Variants in GRID2 observed in about 807,000 individuals in gnomAD.
The protein encoded by GRID2 is glutamate receptor ionotropic, delta-2.
Under a neutral mutation model 114.8 loss-of-function variants are expected in GRID2, and 33 were observed. The ratio of observed to expected loss-of-function variants is 0.29; its 90% CI spans 0.22 to 0.38. The LOEUF is 0.38. Ranked by LOEUF, GRID2 falls within the 10% of genes least tolerant of loss-of-function variation. The pLI is 1.00. For synonymous variants in GRID2, 505 were observed against 449.9 expected, an observed-to-expected ratio of 1.12 and a Z score of -1.55; for missense variants, 1,184 against 1,257.7, an observed-to-expected ratio of 0.94 and a Z score of 0.89.
chr4:93,608,218 T>A (rs1168486048), intron 13 of GRID2, among the ~76,000 whole-genome samples: 1 of 150,272 alleles, frequency 6.7e-6, no homozygotes, highest in Non-Finnish European at 1.5e-5. Context: ...GTATTACATA[T>A]GCTCCCCTGG....
At chr4:93,039,002 T>A (rs1002675940) in intron 2 of GRID2, among the ~76,000 whole-genome samples, 1 of 152,090 alleles carries the variant, frequency 6.6e-6, no homozygotes, top group African/African-American at 2.4e-5. Flanking sequence ...CATTCTATGA[T>A]AAAGACACAT....
chr4:93,601,583 T>A (rs1179576770), intron 13 of GRID2, among the ~76,000 whole-genome samples: 2 of 152,210 alleles, frequency 1.3e-5, no homozygotes, highest in African/African-American at 4.8e-5. Flanking sequence ...AGTAATTGAA[T>A]CTATGCAAGA....
At chr4:92,946,755 C>G (rs1751665415) in intron 2 of GRID2, among the ~76,000 whole-genome samples, 1 of 152,080 alleles carries the variant, frequency 6.6e-6, no homozygotes, top group South Asian at 2.1e-4. Flanking sequence ...CCAAATGCAG[C>G]ATCGTTCAAA....
At chr4:92,403,946 A>G (rs964399513) in intron 1 of GRID2, among the ~76,000 whole-genome samples, 2 of 152,138 alleles carry the variant, frequency 1.3e-5, no homozygotes, top group African/African-American at 2.4e-5. Flanking sequence ...GGCATAGTTC[A>G]TGGCTGACCA....
chr4:93,473,166 A>T (rs1240584469), intron 11 of GRID2, among the ~76,000 whole-genome samples: 3 of 152,142 alleles, frequency 2.0e-5, no homozygotes, highest in Non-Finnish European at 4.4e-5. Flanking sequence ...GTACATAAAT[A>T]TAACTTCTTT....
At chr4:92,756,484 T>C (rs565817758) in intron 2 of GRID2, among the ~76,000 whole-genome samples, 5 of 152,296 alleles carry the variant, frequency 3.3e-5, no homozygotes, top group Admixed American at 6.5e-5. Context: ...TTCAATCAAA[T>C]AGTAGTTCTA....
intron 2 of GRID2, among the ~76,000 whole-genome samples, chr4:92,930,983 A>G (rs1750188582): frequency 6.6e-6 from 1 of 150,970 alleles, no homozygotes; most frequent in Admixed American, 6.6e-5. Flanking sequence ...ACACTCAGAA[A>G]TTAAGGAAGG....
At chr4:93,743,164 GCCTAA>G (rs1383243043) in intron 14 of GRID2, among the ~76,000 whole-genome samples, 1 of 152,234 alleles carries the variant, frequency 6.6e-6, no homozygotes, top group Non-Finnish European at 1.5e-5. Flanking sequence ...TTAGGCCAAA[GCCTAA>G]CCCAGAGCAA....
At chr4:93,577,605 C>G (rs554069449) in intron 13 of GRID2, among the ~76,000 whole-genome samples, 1 of 152,140 alleles carries the variant, frequency 6.6e-6, no homozygotes, top group Non-Finnish European at 1.5e-5. Context: ...ATTCATGGAA[C>G]AAATGCTATG....
At chr4:92,402,291 T>G (rs970727615) in intron 1 of GRID2, among the ~76,000 whole-genome samples, 5 of 152,146 alleles carry the variant, frequency 3.3e-5, no homozygotes, top group African/African-American at 1.2e-4. Context: ...TCTGTGTACT[T>G]TGACCTCCTC....
At chr4:93,315,848 C>A (rs1328234348) in intron 8 of GRID2, among the ~76,000 whole-genome samples, 1 of 152,124 alleles carries the variant, frequency 6.6e-6, no homozygotes, top group Non-Finnish European at 1.5e-5. Flanking sequence ...TAGGTTCAGG[C>A]ACTGACACCA....
chr4:93,383,842 T>C (rs1043756880), intron 8 of GRID2, among the ~76,000 whole-genome samples: 2 of 152,162 alleles, frequency 1.3e-5, no homozygotes, highest in African/African-American at 4.8e-5. Context: ...AGAAAACCTG[T>C]GAGATCTCTT....
chr4:93,091,239 T>C (rs1437626261), intron 3 of GRID2, among the ~76,000 whole-genome samples: 1 of 152,086 alleles, frequency 6.6e-6, no homozygotes, highest in Non-Finnish European at 1.5e-5. Flanking sequence ...CCCGATGTAA[T>C]GAGTGAGAAT....
intron 4 of GRID2, among the ~76,000 whole-genome samples, chr4:93,179,390 A>G (rs750874018): frequency 6.6e-6 from 1 of 152,196 alleles, no homozygotes; most frequent in Non-Finnish European, 1.5e-5. Context: ...AATGAAATGT[A>G]CAAGTGTCAT....
chr4:93,622,035 AGGGGATCCAG>A (rs2149683901), intron 13 of GRID2, among the ~76,000 whole-genome samples: 1 of 152,304 alleles, frequency 6.6e-6, no homozygotes, highest in Admixed American at 6.5e-5. Context: ...AGAAGCTGCC[AGGGGATCCAG>A]GAGGCCAGAC....
chr4:93,648,442 G>T (rs1463798542), intron 14 of GRID2, among the ~76,000 whole-genome samples: 1 of 152,180 alleles, frequency 6.6e-6, no homozygotes, highest in Non-Finnish European at 1.5e-5. Context: ...TGCCTTATAA[G>T]TAATGACAGC....
At chr4:92,611,174 C>A (rs1399282795) in intron 2 of GRID2, among the ~76,000 whole-genome samples, 2 of 148,726 alleles carry the variant, frequency 1.3e-5, no homozygotes, top group Admixed American at 1.4e-4. Context: ...GTGTTTTAGC[C>A]TGCTTAGGCT....
At chr4:93,637,877 A>C (rs958359405) in intron 14 of GRID2, among the ~76,000 whole-genome samples, 2 of 152,158 alleles carry the variant, frequency 1.3e-5, no homozygotes, top group South Asian at 4.1e-4. Flanking sequence ...ATCCCATTTC[A>C]TAGTTCTTTG....
intron 2 of GRID2, among the ~76,000 whole-genome samples, chr4:92,745,139 C>T (rs1737086160): frequency 6.6e-6 from 1 of 152,120 alleles, no homozygotes; most frequent in South Asian, 2.1e-4. Flanking sequence ...CTTGTAGTGT[C>T]CAAATGTCCT....
Sources: gnomAD v4.1 joint callset for allele counts (sites outside exome capture counted in the v4.1 genomes callset) on GRCh38, gnomAD v4.1.1 for gene constraint, MANE v1.5 for transcripts, NCBI Gene and HGNC (gene_info 2026-07-23, HGNC 2026-07-21) for gene names.